Variants in FGD4 observed in about 807,000 individuals in gnomAD.
FGD4 encodes the protein FYVE, RhoGEF and PH domain containing 4.
Under a neutral mutation model 102.0 loss-of-function variants are expected in FGD4, and 42 were observed. The ratio of observed to expected loss-of-function variants is 0.41; its 90% confidence interval spans 0.32 to 0.53. The LOEUF is 0.53. Among genes scored for constraint, FGD4 ranks in the 20% least tolerant of loss-of-function variants. The pLI is 0.21. For synonymous variants in FGD4, 380 were observed against 375.7 expected, an observed-to-expected ratio of 1.01 and a Z score of -0.13; for missense variants, 902 against 1,078.2, an observed-to-expected ratio of 0.84 and a Z score of 2.29.
At chr12:32,632,718 T>A (rs372116810) in intron 14 of FGD4, among the ~76,000 whole-genome samples, 4,810 of 148,482 alleles carry the variant, frequency 0.032, 176 homozygotes, top group African/African-American at 0.091. Flanking sequence ...TATTTATTTT[T>A]TTTTTTTGAG....
intron 1 of FGD4, among the ~76,000 whole-genome samples, chr12:32,488,262 A>G (rs536365130): frequency 2.0e-5 from 3 of 152,256 alleles, no homozygotes; most frequent in South Asian, 2.1e-4. Flanking sequence ...ACTTGCACCA[A>G]GATAGTGTAC....
intron 1 of FGD4, among the ~76,000 whole-genome samples, chr12:32,523,561 A>G (rs564391706): frequency 6.6e-6 from 1 of 152,386 alleles, no homozygotes; most frequent in African/African-American, 2.4e-5. Flanking sequence ...AAAATGCTAC[A>G]CAACGCATTT....
intron 2 of FGD4, among the ~76,000 whole-genome samples, chr12:32,568,963 A>G (rs1447336268): frequency 6.6e-6 from 1 of 152,196 alleles, no homozygotes; most frequent in Non-Finnish European, 1.5e-5. Context: ...AATTTAGTGT[A>G]TATGAAACTG....
chr12:32,509,731 A>C (rs1345131435), intron 1 of FGD4, among the ~76,000 whole-genome samples: 2 of 152,186 alleles, frequency 1.3e-5, no homozygotes, highest in Non-Finnish European at 2.9e-5. Flanking sequence ...CATGGAACCC[A>C]GGGGCAATAA....
At chr12:32,480,205 GA>G (rs764642116) in intron 1 of FGD4, among the ~76,000 whole-genome samples, 5 of 149,906 alleles carry the variant, frequency 3.3e-5, no homozygotes, top group Non-Finnish European at 7.4e-5. Context: ...CTGTCACCCA[GA>G]GCTGGAGTGC....
At chr12:32,514,573 G>A (rs891704028) in intron 1 of FGD4, among the ~76,000 whole-genome samples, 5 of 152,120 alleles carry the variant, frequency 3.3e-5, no homozygotes, top group Admixed American at 6.5e-5. Flanking sequence ...GTGCGGTGGC[G>A]TGATTGTGGC....
intron 7 of FGD4, among the ~76,000 whole-genome samples, chr12:32,607,525 G>T (rs899866600): frequency 1.6e-4 from 24 of 151,920 alleles, no homozygotes; most frequent in Non-Finnish European, 7.4e-5. Flanking sequence ...TGTTGTTGTT[G>T]TTTTTTTTGA....
rs750531320 is a variant in FGD4 at position 32,624,997 on chromosome 12, G to A, written c.1975G>A (p.Ala659Thr). 3.3e-5 allele frequency: 53 copies of A among 1,613,152 alleles called. No homozygotes were observed. Among genetic ancestry groups the A allele is most frequent in the Non-Finnish European group, 4.4e-5 (52 of 1,179,488 alleles). The change falls in exon 13 of 17, where the codon GCT becomes ACT. Residue 659 changes from alanine to threonine, a missense_variant. Ala to Thr is a moderately conservative substitution (Grantham distance 58). Around this residue, in one of 2 missense-constraint regions of FGD4, gnomAD observed 459 missense variants for 619.0 expected, o/e 0.74. Coordinates refer to ENST00000534526, the MANE Select transcript of FGD4 (RefSeq NM_001370298.3). Reference sequence around the variant, plus strand: ...TTAGGCCCTTCAAGAAACCATCGATGCTTTTCATCAAAGGCATGAAACCTT... The same window carrying A: ...TTAGGCCCTTCAAGAAACCATCGATACTTTTCATCAAAGGCATGAAACCTT... ...WIKALQETIDAFHQRHETFRN... is the reference protein window; with the variant it reads ...WIKALQETIDTFHQRHETFRN...
In FGD4 at chr12:32,633,624, G is replaced by C; in HGVS notation, c.2248G>C (p.Asp750His). ...DGGKLSKVCKDCYQIISGFTD... is the reference protein window; with the variant it reads ...DGGKLSKVCKHCYQIISGFTD... ...TGGTAAATTGAGCAAAGTTTGTAAA[G>C]ACTGTTATCAAATCATAAGTGGATT... The change falls in exon 15 of 17, where the codon GAC (aspartate) becomes CAC (histidine). Residue 750 changes from aspartate to histidine, a missense_variant. By Grantham distance (81) the Asp-to-His change is moderately conservative. This residue lies in a region of FGD4 where 459 missense variants were observed against 619.0 expected (regional missense o/e 0.74). Transcript: ENST00000534526. 1 of 1,613,120 alleles carries C rather than the reference G, an allele frequency of 6.2e-7. No individual in the cohort carries two copies. Among genetic ancestry groups the C allele is most frequent in the Non-Finnish European group, 8.5e-7 (1 of 1,179,138 alleles).
intron 5 of FGD4, 104 bp downstream of exon 5, chr12:32,598,690 T>C: frequency 1.0e-6 from 1 of 961,832 alleles, no homozygotes; most frequent in Admixed American, 1.9e-5. Context: ...GGGCCTGTTT[T>C]TGGCTAGTGA....
intron 1 of FGD4, among the ~76,000 whole-genome samples, chr12:32,496,513 A>G (rs1039768963): frequency 2.0e-5 from 3 of 152,184 alleles, no homozygotes; most frequent in Admixed American, 6.5e-5. Context: ...AAGGGGTAGC[A>G]TATGCTTTTA....
intron 1 of FGD4, among the ~76,000 whole-genome samples, chr12:32,485,436 A>ATTT (rs372655892): frequency 0.039 from 4,504 of 114,050 alleles, 361 homozygotes; most frequent in East Asian, 0.31. Context: ...TTTAAGACCA[A>ATTT]TTTTTTTTTT....
intron 12 of FGD4, 177 bp downstream of exon 12, chr12:32,624,629 T>G: frequency 1.4e-6 from 1 of 695,266 alleles, no homozygotes; most frequent in Non-Finnish European, 2.6e-6. Context: ...CACCACCATG[T>G]CTGGTTAATT....
intron 1 of FGD4, among the ~76,000 whole-genome samples, chr12:32,519,123 A>G (rs1290209273): frequency 2.7e-5 from 4 of 148,006 alleles, no homozygotes; most frequent in East Asian, 4.0e-4. Context: ...TCTCAGGAAA[A>G]AAAAAAAAAA....
At chr12:32,440,178 A>G (rs1942384122) in intron 1 of FGD4, among the ~76,000 whole-genome samples, 2 of 152,172 alleles carry the variant, frequency 1.3e-5, no homozygotes, top group Non-Finnish European at 2.9e-5. Flanking sequence ...TGGTGAGGTC[A>G]TGTTTCCCTG....
chr12:32,618,362 A>G (rs763406726), intron 10 of FGD4, among the ~76,000 whole-genome samples: 1 of 152,188 alleles, frequency 6.6e-6, no homozygotes, highest in Non-Finnish European at 1.5e-5. Context: ...TCCTTGATAG[A>G]AGAGGGAAAG....
chr12:32,579,258 G>A (rs1324324502), intron 3 of FGD4, among the ~76,000 whole-genome samples: 1 of 151,970 alleles, frequency 6.6e-6, no homozygotes, highest in Non-Finnish European at 1.5e-5. Context: ...TGTTGAGGCT[G>A]GGCTCGAACT....
rs1565869740 is a variant in FGD4 at position 32,582,330 on chromosome 12, A to C, written c.874A>C (p.Ser292Arg). Reference sequence around the variant, plus strand: ...CTGTGATGGAAATGCTTCTGACAGTAGCTACAGGACTCCAGGCATAGGCCC... The same window carrying C: ...CTGTGATGGAAATGCTTCTGACAGTCGCTACAGGACTCCAGGCATAGGCCC... ...DSCDGNASDS[S>R]YRTPGIGPVL... is the part of the protein sequence containing the mutation. Residue 292 changes from serine to arginine, a missense_variant, in exon 4 of 17, where the codon AGC becomes CGC. Around this residue, in one of 2 missense-constraint regions of FGD4, gnomAD observed 443 missense variants for 459.2 expected, o/e 0.96. Transcript: ENST00000534526. The C allele has an allele frequency of 2.5e-6, 4 of 1,614,230 alleles. No homozygotes were observed. The highest frequency in any genetic ancestry group is 1.7e-6 in the Non-Finnish European group (2 of 1,180,024).
chr12:32,532,137 A>T (rs1309271511), intron 1 of FGD4, among the ~76,000 whole-genome samples: 1 of 152,194 alleles, frequency 6.6e-6, no homozygotes. Context: ...ATCCATAGCT[A>T]TGATAAAGTT....
Sources: gnomAD v4.1 joint callset for allele counts (sites outside exome capture counted in the v4.1 genomes callset) on GRCh38, gnomAD v4.1.1 for gene constraint, gnomAD v4.1.1 regional missense constraint, MANE v1.5 for transcripts, NCBI Gene and HGNC (gene_info 2026-07-23, HGNC 2026-07-21) for gene names.